MACC1: variants seen among roughly 807,000 people sequenced by gnomAD.
MACC1 encodes MET transcriptional regulator MACC1, also known as metastasis-associated in colon cancer protein 1.
A neutral mutation model predicts 70.7 loss-of-function variants in MACC1; 79 were observed. The observed-to-expected ratio is 1.12, with a 90% CI of 0.93 to 1.35. MACC1 has a LOEUF of 1.35. Ranked by LOEUF, MACC1 falls within the 40% of genes most tolerant of loss-of-function variation. The probability of loss-of-function intolerance (pLI) is 0.00; values close to 1 mark genes in which losing one functional copy is unlikely to be tolerated. For missense variants in MACC1, 1,106 were observed against 978.1 expected (o/e 1.13, Z -1.74); for synonymous variants, 361 against 347.2 (o/e 1.04, Z -0.44).
chr7:20,167,208 T>C (rs546806927), intron 2 of MACC1, among the ~76,000 whole-genome samples: 1 of 152,016 alleles, frequency 6.6e-6, no homozygotes, highest in Non-Finnish European at 1.5e-5. Flanking sequence ...TATTATTTTT[T>C]CAATGGAGAT....
At chr7:20,204,571 T>C (rs1177638823) in intron 1 of MACC1, among the ~76,000 whole-genome samples, 2 of 152,212 alleles carry the variant, frequency 1.3e-5, no homozygotes, top group African/African-American at 2.4e-5. Context: ...TGAAAAGCAC[T>C]TCCCACATAA....
intron 1 of MACC1, among the ~76,000 whole-genome samples, chr7:20,211,247 T>G (rs1295503825): frequency 2.0e-5 from 3 of 152,080 alleles, no homozygotes; most frequent in African/African-American, 7.2e-5. Flanking sequence ...ATAATAGCAT[T>G]ATCTGCTCCT....
At position 20,159,607 on chromosome 7, in the gene MACC1, T is replaced by A. The variant is rs1782111487; in HGVS notation, c.754A>T (p.Arg252Trp). Residue 252 changes from arginine (R) to tryptophan (W), a missense_variant, in exon 5 of 7, where the codon AGG becomes TGG. Arg to Trp is a moderately radical substitution (Grantham distance 101, BLOSUM62 -3). Transcript: ENST00000400331. ...ATGTGTGGCGGATCAAGGAAAGCCCTTAGAGACACCTCTTGGAATTCTCCC... is the reference window on the plus strand; with the variant it reads ...ATGTGTGGCGGATCAAGGAAAGCCCATAGAGACACCTCTTGGAATTCTCCC... ...AVGEFQEVSL[R>W]AFLDPPHMLN... The A allele has an allele frequency of 3.7e-6, 6 of 1,614,048 alleles. No homozygotes were observed. The South Asian group carries it at 6.6e-5, about 18-fold the overall frequency.
chr7:20,192,431 C>T (rs964766468), intron 1 of MACC1, among the ~76,000 whole-genome samples: 3 of 152,154 alleles, frequency 2.0e-5, no homozygotes, highest in African/African-American at 7.2e-5. Flanking sequence ...GCCCTAAGAT[C>T]GTCACGCTGG....
At chr7:20,154,407 T>C (rs1180949649) in intron 5 of MACC1, 26 bp from the exon 6 acceptor site, 2 of 1,599,774 alleles carry the variant, frequency 1.3e-6, no homozygotes, top group African/African-American at 2.7e-5. Context: ...CATGTCACAA[T>C]TAAAAGCAAC....
intron 1 of MACC1, among the ~76,000 whole-genome samples, chr7:20,175,513 T>G (rs1271500640): frequency 6.6e-6 from 1 of 152,142 alleles, no homozygotes; most frequent in Non-Finnish European, 1.5e-5. Flanking sequence ...TATATAACTC[T>G]TGATATATTT....
intron 5 of MACC1, among the ~76,000 whole-genome samples, chr7:20,155,181 C>T (rs140635888): frequency 2.0e-5 from 3 of 152,240 alleles, no homozygotes; most frequent in East Asian, 1.9e-4. Context: ...TCTATCTATA[C>T]CTCTTCTTTG....
chr7:20,196,591 A>G (rs988656742), intron 1 of MACC1, among the ~76,000 whole-genome samples: 6 of 151,664 alleles, frequency 4.0e-5, no homozygotes, highest in African/African-American at 1.2e-4. Flanking sequence ...GGCCCATTTT[A>G]TATATATATA....
chr7:20,200,041 G>GTACATA (rs1782809893), intron 1 of MACC1, among the ~76,000 whole-genome samples: 1 of 150,850 alleles, frequency 6.6e-6, no homozygotes, highest in Non-Finnish European at 1.5e-5. Context: ...GTGTGTGTGT[G>GTACATA]TGTACATATG....
chr7:20,161,964 G>A, intron 3 of MACC1, 94 bp from the exon 4 acceptor site: 1 of 732,604 alleles, frequency 1.4e-6, no homozygotes, highest in Non-Finnish European at 2.4e-6. Context: ...TTTCTATAAA[G>A]AACTACATGT....
intron 1 of MACC1, among the ~76,000 whole-genome samples, chr7:20,194,927 C>A (rs1013871785): frequency 2.6e-5 from 4 of 152,116 alleles, no homozygotes; most frequent in Non-Finnish European, 5.9e-5. Flanking sequence ...AATTTTTTCT[C>A]GTCATAAAGA....
chr7:20,154,110 G>T, intron 6 of MACC1, 83 bp downstream of exon 6: 1 of 1,415,966 alleles, frequency 7.1e-7, no homozygotes, highest in Non-Finnish European at 9.8e-7. Context: ...CAGTGAATCC[G>T]TGAATGTGGT....
chr7:20,183,815 C>T (rs1272853090), intron 1 of MACC1, among the ~76,000 whole-genome samples: 1 of 150,836 alleles, frequency 6.6e-6, no homozygotes, highest in Non-Finnish European at 1.5e-5. Context: ...TCAAGCAATT[C>T]TCCTGCCTCA....
intron 1 of MACC1, among the ~76,000 whole-genome samples, chr7:20,178,241 C>T (rs1388376834): frequency 1.4e-5 from 2 of 147,968 alleles, no homozygotes; most frequent in Non-Finnish European, 3.0e-5. Flanking sequence ...ATTATTGCTG[C>T]CCAGAATGTT....
In MACC1 at chr7:20,158,618, G is replaced by A. The variant is rs552475136; in HGVS notation, c.1743C>T (p.Leu581=). Residue 581 remains leucine (L), a synonymous_variant, in exon 5 of 7, where the codon CTC becomes CTT. Transcript: ENST00000400331. The stretch of plus-strand genomic sequence containing the variant: ...CAATAGCTTTTACCTTACCTTCCCC[G>A]AGGAGAGCTATTGTGTCCCCTTTGA... ...EYFKGDTIAL[L]GEGKVKAIGQ... 9.9e-6 allele frequency: 16 copies of A among 1,613,904 alleles called. No individual in the cohort carries two copies. Among genetic ancestry groups the A allele is most frequent in the African/African-American group, 8.0e-5 (6 of 75,022 alleles).
intron 2 of MACC1, among the ~76,000 whole-genome samples, chr7:20,167,248 T>C (rs1006121013): frequency 2.0e-5 from 3 of 151,834 alleles, no homozygotes; most frequent in African/African-American, 7.3e-5. Context: ...CAGGCTGGAG[T>C]GCAGTGGTGT....
At chr7:20,175,089 G>C (rs2128105059) in intron 1 of MACC1, among the ~76,000 whole-genome samples, 1 of 151,736 alleles carries the variant, frequency 6.6e-6, no homozygotes, top group South Asian at 2.1e-4. Flanking sequence ...TTCTGACTTG[G>C]CCTCTGTTTC....
chr7:20,136,786 A>T lies in MACC1; in HGVS notation c.*4160T>A, dbSNP rs1190442307. 6.6e-6 allele frequency: 1 copy of T among 151,640 alleles called. No homozygotes were observed. Among genetic ancestry groups the T allele is most frequent in the Non-Finnish European group, 1.5e-5 (1 of 67,900 alleles). 9.4% of individuals were successfully genotyped at this position (151,640 alleles called of 1,614,324 possible). ...GAGGGACTTACTTCTCCTCCTTGCG[A>T]TTATTATTGCGATTAAGGATTATTA... On this transcript the variant is annotated 3_prime_UTR_variant, in exon 7 of 7. Transcript: ENST00000400331.
In MACC1 at chr7:20,154,231, T is replaced by C. The variant is rs1274308008; in HGVS notation, c.2308A>G (p.Ile770Val). 1 of 1,614,008 alleles carries C rather than the reference T, an allele frequency of 6.2e-7. No individual in the cohort carries two copies. Residue 770 changes from isoleucine to valine, a missense_variant, in exon 6 of 7, where the codon ATT (isoleucine) becomes GTT (valine). Coordinates refer to ENST00000400331, the MANE Select transcript of MACC1 (RefSeq NM_182762.4). ...LTKQQMEAYE[I>V]PHRGNTGDVA... ...TCTCCAGTGTTTCCTCGATGAGGAA[T>C]TTCATATGCCTCCATTTGTTGCTTT...
Sources: allele counts gnomAD v4.1 joint callset (sites outside exome capture counted in the v4.1 genomes callset), GRCh38; gene constraint gnomAD v4.1.1; transcripts MANE v1.5; gene names NCBI Gene and HGNC (gene_info 2026-07-23, HGNC 2026-07-21).